Variants in CPNE4 observed in about 807,000 individuals in gnomAD.
The protein encoded by CPNE4 is copine 4.
CPNE4 carries 25 observed loss-of-function variants against 67.9 expected under a neutral mutation model. That is an observed-to-expected ratio of 0.37 (90% CI 0.27 to 0.51). The LOEUF (loss-of-function observed/expected upper bound fraction) is 0.51. Ranked by LOEUF, CPNE4 falls within the 20% of genes least tolerant of loss-of-function variation. The pLI, the probability that CPNE4 is intolerant of heterozygous loss-of-function variation, is 0.93. For missense variants in CPNE4, 464 were observed against 690.8 expected, an observed-to-expected ratio of 0.67 and a Z score of 3.68; for synonymous variants, 242 against 244.9, an observed-to-expected ratio of 0.99 and a Z score of 0.11.
chr3:131,627,519 GTCT>G (rs146524684), intron 7 of CPNE4, among the ~76,000 whole-genome samples: 41,670 of 151,904 alleles, frequency 0.27, 9,410 homozygotes, highest in African/African-American at 0.63. Flanking sequence ...TGACTTTCCA[GTCT>G]TCTTATTTAA....
chr3:131,749,217 G>A (rs2107793790), intron 2 of CPNE4, among the ~76,000 whole-genome samples: 1 of 152,178 alleles, frequency 6.6e-6, no homozygotes, highest in East Asian at 1.9e-4. Context: ...TTCACCCATG[G>A]ATTATGCAGA....
At chr3:131,686,561 T>G (rs76804664) in intron 5 of CPNE4, among the ~76,000 whole-genome samples, 3,910 of 152,310 alleles carry the variant, frequency 0.026, 120 homozygotes, top group African/African-American at 0.075. Flanking sequence ...TTAAGCTATT[T>G]AGAGGATGAA....
chr3:131,684,571 C>T (rs1226584355), intron 6 of CPNE4, among the ~76,000 whole-genome samples: 8 of 152,092 alleles, frequency 5.3e-5, no homozygotes, highest in Admixed American at 2.0e-4. Flanking sequence ...TGAAACATTC[C>T]CCTAACAACA....
At chr3:131,812,463 T>G (rs140161090) in intron 2 of CPNE4, among the ~76,000 whole-genome samples, 1 of 152,288 alleles carries the variant, frequency 6.6e-6, no homozygotes, top group East Asian at 1.9e-4. Context: ...ACAAAGATAT[T>G]GGAGCCTACT....
intron 2 of CPNE4, among the ~76,000 whole-genome samples, chr3:131,766,707 C>T (rs926108685): frequency 6.6e-6 from 1 of 152,052 alleles, no homozygotes; most frequent in African/African-American, 2.4e-5. Context: ...AAACTGGATA[C>T]AGCCGTACAA....
intron 7 of CPNE4, among the ~76,000 whole-genome samples, chr3:131,622,560 A>C (rs916115336): frequency 2.6e-5 from 4 of 152,206 alleles, no homozygotes; most frequent in African/African-American, 9.6e-5. Flanking sequence ...CAGGCATTCA[A>C]TGTGAAACAG....
chr3:131,623,546 T>G (rs1254568146), intron 7 of CPNE4, among the ~76,000 whole-genome samples: 1 of 152,182 alleles, frequency 6.6e-6, no homozygotes, highest in Non-Finnish European at 1.5e-5. Flanking sequence ...GGCAGGTGCT[T>G]CTTTATTTCT....
intron 1 of CPNE4, among the ~76,000 whole-genome samples, chr3:132,016,137 A>C (rs547659150): frequency 6.6e-5 from 10 of 152,338 alleles, no homozygotes; most frequent in Admixed American, 4.6e-4. Flanking sequence ...TGTGCAATAC[A>C]AATAAAGCAA....
intron 2 of CPNE4, among the ~76,000 whole-genome samples, chr3:131,879,304 A>T (rs1262715410): frequency 6.6e-6 from 1 of 152,218 alleles, no homozygotes; most frequent in Non-Finnish European, 1.5e-5. Context: ...AAATCATGCA[A>T]CTAATGTAAG....
At chr3:131,576,654 G>A (rs1434353768) in intron 9 of CPNE4, among the ~76,000 whole-genome samples, 3 of 152,110 alleles carry the variant, frequency 2.0e-5, no homozygotes, top group Non-Finnish European at 4.4e-5. Flanking sequence ...AAGGTCACAT[G>A]GGGAAGCACC....
chr3:131,994,074 C>T (rs1305803113), intron 1 of CPNE4, among the ~76,000 whole-genome samples: 2 of 135,620 alleles, frequency 1.5e-5, no homozygotes, highest in African/African-American at 4.9e-5. Context: ...ATAATGGCAC[C>T]AGAAATGTAA....
At chr3:131,651,366 T>C (rs1279772123) in intron 7 of CPNE4, among the ~76,000 whole-genome samples, 1 of 152,236 alleles carries the variant, frequency 6.6e-6, no homozygotes. Flanking sequence ...TGATATTAAA[T>C]CTCAGGAAAG....
At chr3:131,808,616 A>G (rs1020076072) in intron 2 of CPNE4, among the ~76,000 whole-genome samples, 3 of 152,190 alleles carry the variant, frequency 2.0e-5, no homozygotes, top group African/African-American at 7.2e-5. Context: ...TTTTCAAAAA[A>G]TAAGCTCATT....
At chr3:131,719,718 C>A (rs1295717621) in intron 3 of CPNE4, among the ~76,000 whole-genome samples, 1 of 152,166 alleles carries the variant, frequency 6.6e-6, no homozygotes, top group African/African-American at 2.4e-5. Context: ...GAATGTCAGG[C>A]CCATCCCTCC....
chr3:131,756,856 T>G (rs770763626), intron 2 of CPNE4, among the ~76,000 whole-genome samples: 3 of 152,204 alleles, frequency 2.0e-5, no homozygotes, highest in Non-Finnish European at 4.4e-5. Context: ...TGAGGGCTGG[T>G]ATTTCCCATG....
rs777228847 is a variant in CPNE4 at position 131,723,573 on chromosome 3, A to G, written c.233T>C (p.Leu78Pro). Residue 78 changes from leucine (L) to proline (P), a missense_variant, in exon 3 of 16, where the codon CTG becomes CCG. This residue lies in a region of CPNE4 where 170 missense variants were observed against 203.3 expected (regional missense o/e 0.84). Coordinates refer to ENST00000429747, the MANE Select transcript of CPNE4 (RefSeq NM_130808.3). ...RTCINPVYSK[L>P]FTVDFYFEEV... ...CTCAAAGTAAAAGTCCACAGTAAAC[A>G]GTTTTGAGTACACTGGGTTTATGCA... 1 of 1,614,160 alleles carries G rather than the reference A, an allele frequency of 6.2e-7. No homozygotes were observed. Among genetic ancestry groups the G allele is most frequent in the Non-Finnish European group, 8.5e-7 (1 of 1,180,008 alleles).
At chr3:131,863,179 G>A (rs2086767113) in intron 2 of CPNE4, among the ~76,000 whole-genome samples, 1 of 152,174 alleles carries the variant, frequency 6.6e-6, no homozygotes, top group African/African-American at 2.4e-5. Flanking sequence ...ACGTGTGCAT[G>A]TGTCTTTATA....
chr3:132,027,245 A>C (rs1488657846), intron 1 of CPNE4, among the ~76,000 whole-genome samples: 2 of 152,176 alleles, frequency 1.3e-5, no homozygotes, highest in Admixed American at 6.5e-5. Flanking sequence ...CAGGCCCAGG[A>C]GTGAAGAAGC....
At chr3:131,773,450 C>T (rs1182493293) in intron 2 of CPNE4, among the ~76,000 whole-genome samples, 5 of 151,970 alleles carry the variant, frequency 3.3e-5, no homozygotes, top group Non-Finnish European at 4.4e-5. Flanking sequence ...TGGGTTCAAG[C>T]GATTCTCCTG....
Sources: gnomAD v4.1 joint callset for allele counts (sites outside exome capture counted in the v4.1 genomes callset) on GRCh38, gnomAD v4.1.1 for gene constraint, gnomAD v4.1.1 regional missense constraint, MANE v1.5 for transcripts, NCBI Gene and HGNC (gene_info 2026-07-23, HGNC 2026-07-21) for gene names.